EEF1E1: variants seen among roughly 807,000 people sequenced by gnomAD.
EEF1E1 encodes eukaryotic translation elongation factor 1 epsilon 1, also known as eukaryotic translation elongation factor 1 epsilon-1.
EEF1E1 carries 19 observed loss-of-function variants against 19.9 expected under a neutral mutation model. That is an observed-to-expected ratio of 0.95 (90% CI 0.66 to 1.40). The LOEUF is 1.40. Among genes scored for constraint, EEF1E1 ranks in the 40% most tolerant of loss-of-function variants. The probability of loss-of-function intolerance (pLI) is 0.00; values close to 1 mark genes in which losing one functional copy is unlikely to be tolerated. For synonymous variants in EEF1E1, 81 were observed against 80.0 expected, an observed-to-expected ratio of 1.01 and a Z score of -0.07; for missense variants, 198 against 202.2, an observed-to-expected ratio of 0.98 and a Z score of 0.13.
At chr6:8,102,413 C>T in intron 1 of EEF1E1, 22 bp downstream of exon 1, 1 of 1,605,752 alleles carries the variant, frequency 6.2e-7, no homozygotes, top group Non-Finnish European at 8.5e-7. Flanking sequence ...CTCTTCCCCT[C>T]CGCGCCGCCT....
intron 1 of EEF1E1, among the ~76,000 whole-genome samples, chr6:8,097,773 C>G (rs181659185): frequency 2.8e-4 from 43 of 151,830 alleles, no homozygotes; most frequent in African/African-American, 9.0e-4. Flanking sequence ...AATGGAAACT[C>G]TAATTATACT....
intron 1 of EEF1E1, chr6:8,102,217 C>A (rs1758385451): frequency 1.6e-6 from 1 of 616,666 alleles, no homozygotes; most frequent in Non-Finnish European, 2.0e-6. Flanking sequence ...AAGTTCAGGC[C>A]AAGCCCAACC....
At chr6:8,077,160 G>T (rs1757619279), downstream of EEF1E1, among the ~76,000 whole-genome samples, 1 of 152,062 alleles carries the variant, frequency 6.6e-6, no homozygotes, top group Non-Finnish European at 1.5e-5. Flanking sequence ...AGCCAGGATT[G>T]TCTCGATCTC....
downstream of EEF1E1, among the ~76,000 whole-genome samples, chr6:8,075,872 T>C (rs1271274085): frequency 2.6e-5 from 4 of 152,256 alleles, no homozygotes; most frequent in Non-Finnish European, 5.9e-5. Context: ...ACTAAGCTTA[T>C]GTAATAGTCT....
downstream of EEF1E1, chr6:8,078,881 G>T: frequency 1.9e-6 from 2 of 1,057,612 alleles, no homozygotes; most frequent in African/African-American, 1.7e-5. Context: ...TGACTGCTTT[G>T]TTTAAAGTTC....
At position 8,087,459 on chromosome 6, in the gene EEF1E1, C is replaced by T. The variant is rs548783132; in HGVS notation, c.384+2727G>A. ...TCTCGAACTCCTGACCTCAGGTGAT[C>T]CACCTGCCTTGGCCTCCCAAAGTGC... is the stretch of plus-strand genomic sequence containing the variant. On this transcript the variant is annotated intron_variant, in intron 3 of 3. Transcript: ENST00000379715. Among the ~76,000 whole-genome samples, 270 of 152,308 alleles carry T rather than the reference C, an allele frequency of 1.8e-3. 3 individuals are homozygous for T. Among genetic ancestry groups the T allele is most frequent in the African/African-American group, 6.3e-3 (260 of 41,574 alleles).
At chr6:8,095,594 A>G (rs1341365969) in intron 2 of EEF1E1, 1 of 161,056 alleles carries the variant, frequency 6.2e-6, no homozygotes, top group Non-Finnish European at 1.4e-5. Flanking sequence ...ACATGCACAC[A>G]TATATACAAA....
intron 2 of EEF1E1, among the ~76,000 whole-genome samples, chr6:8,093,792 A>AAAAAGC (rs1758089115): frequency 6.6e-6 from 1 of 152,026 alleles, no homozygotes; most frequent in South Asian, 2.1e-4. Context: ...GTATTAAAAA[A>AAAAAGC]AAAAGCAAAT....
chr6:8,089,178 G>A (rs1394414346), intron 3 of EEF1E1, among the ~76,000 whole-genome samples: 2 of 152,168 alleles, frequency 1.3e-5, no homozygotes, highest in Non-Finnish European at 2.9e-5. Flanking sequence ...GGACGTAGCT[G>A]AAGTTACACA....
chr6:8,076,941 G>GTTTTTTT (rs1408664471), downstream of EEF1E1, among the ~76,000 whole-genome samples: 4 of 130,010 alleles, frequency 3.1e-5, no homozygotes, highest in African/African-American at 5.5e-5. Flanking sequence ...TTTTGTTTTT[G>GTTTTTTT]TTTTTGTTTT....
At position 8,081,133 on chromosome 6, in the gene EEF1E1, G is replaced by T. The variant is rs140666094; in HGVS notation, c.385-1103C>A. 2.7e-3 allele frequency among the ~76,000 whole-genome samples: 418 copies of T among 152,322 alleles called. 6 individuals are homozygous for T. The highest frequency in any genetic ancestry group is 8.8e-4 in the Non-Finnish European group (60 of 68,026). Reference sequence around the variant, plus strand: ...TAAATGTTTATTTGGACTCGTATTTGTTGGCTTGATTTACTTAAGTTGTTA... The same window carrying T: ...TAAATGTTTATTTGGACTCGTATTTTTTGGCTTGATTTACTTAAGTTGTTA... On this transcript the variant is annotated intron_variant, in intron 3 of 3. Coordinates refer to ENST00000379715, the MANE Select transcript of EEF1E1 (RefSeq NM_004280.5).
At chr6:8,093,300 C>T (rs549839666) in intron 2 of EEF1E1, among the ~76,000 whole-genome samples, 1 of 147,226 alleles carries the variant, frequency 6.8e-6, no homozygotes, top group African/African-American at 2.5e-5. Flanking sequence ...CAGATGAGAA[C>T]TAATTATGTC....
chr6:8,102,143 G>A, intron 1 of EEF1E1: 1 of 1,291,696 alleles, frequency 7.7e-7, no homozygotes, highest in Non-Finnish European at 1.0e-6. Flanking sequence ...AGAGCCCTGT[G>A]AGGACCCTCC....
chr6:8,099,371 G>A lies in EEF1E1; in HGVS notation c.88-1904C>T, dbSNP rs989080747. Among the ~76,000 whole-genome samples the A allele has an allele frequency of 1.1e-4, 16 of 152,226 alleles. No individual in the cohort carries two copies. In the East Asian group the frequency reaches 3.1e-3, roughly 29 times the overall value. ...TACATTATTCAGTACAGTAACATGC[G>A]GTACAGGTTTGTAGCCTGAAGGAGC... On this transcript the variant is annotated intron_variant, in intron 1 of 3. Coordinates refer to ENST00000379715, the MANE Select transcript of EEF1E1 (RefSeq NM_004280.5).
rs774462812 is a variant in EEF1E1, at chr6:8,079,917, C to T, written c.498G>A (p.Lys166=). ...AGTGGGAATTAGTATATAGTCTGTT[C>T]TTGATGAAGACAACACTAGACAGAT... ...RQHLSSVVFI[K]NRLYTNSH Residue 166 remains lysine, a synonymous_variant, in exon 4 of 4, where the codon AAG becomes AAA. Transcript: ENST00000379715. 9.3e-6 allele frequency: 15 copies of T among 1,612,464 alleles called. No homozygotes were observed. The Admixed American group carries it at 2.3e-4, about 25-fold the overall frequency.
chr6:8,094,622 T>A (rs1758115161), intron 2 of EEF1E1, among the ~76,000 whole-genome samples: 1 of 151,438 alleles, frequency 6.6e-6, no homozygotes, highest in Non-Finnish European at 1.5e-5. Context: ...TGTGCTCAAG[T>A]ATTTAGCAAC....
intron 1 of EEF1E1, among the ~76,000 whole-genome samples, chr6:8,098,223 G>A (rs893506198): frequency 1.6e-4 from 24 of 151,476 alleles, no homozygotes; most frequent in African/African-American, 3.9e-4. Context: ...GGGTTCAACC[G>A]ATTCTCCCAC....
chr6:8,082,206 C>T (rs1176676691), intron 3 of EEF1E1, among the ~76,000 whole-genome samples: 1 of 152,144 alleles, frequency 6.6e-6, no homozygotes, highest in African/African-American at 2.4e-5. Flanking sequence ...AACAGACTCA[C>T]AGTAAAAAAT....
chr6:8,073,655 C>T, intron 3 of EEF1E1: 1 of 1,195,682 alleles, frequency 8.4e-7, no homozygotes, highest in Non-Finnish European at 1.1e-6. Context: ...AACAGATCTT[C>T]ATAACTGAAT....
Sources: allele counts gnomAD v4.1 joint callset (sites outside exome capture counted in the v4.1 genomes callset), GRCh38; gene constraint gnomAD v4.1.1; transcripts MANE v1.5; gene names NCBI Gene and HGNC (gene_info 2026-07-23, HGNC 2026-07-21).